MSTN: variants seen among roughly 807,000 people sequenced by gnomAD.
MSTN encodes the protein growth/differentiation factor 8.
A neutral mutation model predicts 32.3 loss-of-function variants in MSTN; 12 were observed. The ratio of observed to expected loss-of-function variants is 0.37; its 90% CI spans 0.24 to 0.60. The LOEUF (loss-of-function observed/expected upper bound fraction) is 0.60, where lower values mean the gene tolerates loss of function less well. Ranked by LOEUF, MSTN falls within the 20% of genes least tolerant of loss-of-function variation. The probability of loss-of-function intolerance (pLI) is 0.67; values close to 1 mark genes in which losing one functional copy is unlikely to be tolerated. For synonymous variants in MSTN, 168 were observed against 155.1 expected (o/e 1.08, Z -0.62); for missense variants, 403 against 450.3 (o/e 0.89, Z 0.95).
In MSTN at chr2:190,057,380, C is replaced by T. The variant is rs1685464775; in HGVS notation, c.1006G>A (p.Ala336Thr). The T allele has an allele frequency of 1.9e-6, 3 of 1,613,470 alleles. No homozygotes were observed. In the South Asian group the frequency reaches 3.3e-5, roughly 18 times the overall value. ...LVHQANPRGS[A>T]GPCCTPTKMS... is the part of the protein sequence containing the mutation. ...TTTGTGGGAGTACAGCAAGGGCCTG[C>T]TGAACCTCTGGGGTTTGCTTGGTGT... The change falls in exon 3 of 3, where the codon GCA becomes ACA. Residue 336 changes from alanine (A) to threonine (T), a missense_variant. Ala to Thr is a moderately conservative substitution (Grantham distance 58). Coordinates refer to ENST00000260950, the MANE Select transcript of MSTN (RefSeq NM_005259.3).
chr2:190,056,292 A>T lies in MSTN; in HGVS notation c.*966T>A, dbSNP rs1246217847. 6.6e-6 allele frequency: 1 copy of T among 152,548 alleles called. No individual in the cohort carries two copies. The highest frequency in any genetic ancestry group is 1.5e-5 in the Non-Finnish European group (1 of 67,996). 9.4% of individuals were successfully genotyped at this position (152,548 alleles called of 1,614,324 possible). Reference sequence around the variant, plus strand: ...AGGAGACACTTATTTACAAAACAATATTGTATACATATTATATAAATGCAT... The same window carrying T: ...AGGAGACACTTATTTACAAAACAATTTTGTATACATATTATATAAATGCAT... On this transcript the variant is annotated 3_prime_UTR_variant, in exon 3 of 3. Coordinates refer to ENST00000260950, the MANE Select transcript of MSTN (RefSeq NM_005259.3).
chr2:190,057,278 C>T lies in MSTN; in HGVS notation c.1108G>A (p.Asp370Asn). ...IYGKIPAMVV[D>N]RCGCS Reference sequence around the variant, plus strand: ...AAATCTCATGAGCACCCACAGCGGTCTACTACCATCGCTGGAATTTTCCCA... The same window carrying T: ...AAATCTCATGAGCACCCACAGCGGTTTACTACCATCGCTGGAATTTTCCCA... Residue 370 changes from aspartate to asparagine, a missense_variant, in exon 3 of 3, where the codon GAC becomes AAC. Coordinates refer to ENST00000260950, the MANE Select transcript of MSTN (RefSeq NM_005259.3). 6.2e-7 allele frequency: 1 copy of T among 1,613,278 alleles called. No homozygotes were observed. Among genetic ancestry groups the T allele is most frequent in the Non-Finnish European group, 8.5e-7 (1 of 1,179,472 alleles).
At chr2:190,057,928 C>G (rs1383182542) in intron 2 of MSTN, among the ~76,000 whole-genome samples, 1 of 151,638 alleles carries the variant, frequency 6.6e-6, no homozygotes, top group Non-Finnish European at 1.5e-5. Context: ...AATGGATGTC[C>G]TGAAAATATT....
At position 190,060,446 on chromosome 2, in the gene MSTN, A is replaced by G; in HGVS notation, c.374-11T>C. 6.2e-7 allele frequency: 1 copy of G among 1,602,096 alleles called. No homozygotes were observed. Reference sequence around the variant, plus strand: ...GCATTAGAAAATCAGCTATAAATGAATAAGAAAAGAAAAGTTGCTGAAATT... The same window carrying G: ...GCATTAGAAAATCAGCTATAAATGAGTAAGAAAAGAAAAGTTGCTGAAATT... On this transcript the variant is annotated splice_polypyrimidine_tract_variant and intron_variant, in intron 1 of 2. Transcript: ENST00000260950.
Position 190,057,122 on chromosome 2 carries a change from A to G in MSTN, c.*136T>C. Reference sequence around the variant, plus strand: ...TTGCATATATTCCCCCTTTTAGTTTACATACTGTAGCTTATGCTTAAGTGA... The same window carrying G: ...TTGCATATATTCCCCCTTTTAGTTTGCATACTGTAGCTTATGCTTAAGTGA... On this transcript the variant is annotated 3_prime_UTR_variant, in exon 3 of 3. Coordinates refer to ENST00000260950, the MANE Select transcript of MSTN (RefSeq NM_005259.3). 1.2e-6 allele frequency: 1 copy of G among 856,360 alleles called. No homozygotes were observed. The highest frequency in any genetic ancestry group is 2.6e-5 in the Admixed American group (1 of 37,796). 53.0% of individuals were successfully genotyped at this position (856,360 alleles called of 1,614,324 possible).
At chr2:190,058,372 C>G (rs1359446849) in intron 2 of MSTN, among the ~76,000 whole-genome samples, 1 of 151,924 alleles carries the variant, frequency 6.6e-6, no homozygotes, top group Non-Finnish European at 1.5e-5. Context: ...TAAAAAGGAA[C>G]ACTTTCTTAA....
rs77151281 is a variant in MSTN, at chr2:190,062,593, G to T, written c.4C>A (p.Gln2Lys). The stretch of plus-strand genomic sequence containing the variant: ...ATATAAACACAGAGTTGCAGTTTTT[G>T]CATGATTTTAAAATCAATATAATCT... Reference protein sequence around the residue: MQKLQLCVYIYL... With the variant: MKKLQLCVYIYL... Residue 2 changes from glutamine to lysine, a missense_variant, in exon 1 of 3, where the codon CAA becomes AAA. By Grantham distance (53) the Gln-to-Lys change is moderately conservative (BLOSUM62 1). Coordinates refer to ENST00000260950, the MANE Select transcript of MSTN (RefSeq NM_005259.3). 6.2e-7 allele frequency: 1 copy of T among 1,611,020 alleles called. No homozygotes were observed. Among genetic ancestry groups the T allele is most frequent in the Non-Finnish European group, 8.5e-7 (1 of 1,178,496 alleles).
At chr2:190,057,679 C>T in intron 2 of MSTN, 41 bp from the exon 3 acceptor site, 1 of 1,604,164 alleles carries the variant, frequency 6.2e-7, no homozygotes, top group Non-Finnish European at 8.5e-7. Context: ...ATCAATAGGC[C>T]TGGAAACACT....
chr2:190,061,244 T>A (rs1685584967), intron 1 of MSTN, among the ~76,000 whole-genome samples: 1 of 152,046 alleles, frequency 6.6e-6, no homozygotes, highest in South Asian at 2.1e-4. Flanking sequence ...TGGAGTCTTG[T>A]TTAAAGTATA....
chr2:190,057,686 CA>C (rs756105934), intron 2 of MSTN, 48 bp from the exon 3 acceptor site: 1 of 1,589,898 alleles, frequency 6.3e-7, no homozygotes, highest in Admixed American at 1.7e-5. Flanking sequence ...GGCCTGGAAA[CA>C]CTTTTCTACC....
Position 190,062,602 on chromosome 2 carries a change from T to G in MSTN, c.-6A>C. ...CAGAGTTGCAGTTTTTGCATGATTTTAAAATCAATATAATCTTTTTTCTTG... is the reference window on the plus strand; with the variant it reads ...CAGAGTTGCAGTTTTTGCATGATTTGAAAATCAATATAATCTTTTTTCTTG... On this transcript the variant is annotated 5_prime_UTR_variant, in exon 1 of 3. Coordinates refer to ENST00000260950, the MANE Select transcript of MSTN (RefSeq NM_005259.3). 6.2e-7 allele frequency: 1 copy of G among 1,610,304 alleles called. No homozygotes were observed. Among genetic ancestry groups the G allele is most frequent in the Non-Finnish European group, 8.5e-7 (1 of 1,178,040 alleles).
At chr2:190,058,012 T>C (rs962121921) in intron 2 of MSTN, among the ~76,000 whole-genome samples, 2 of 151,924 alleles carry the variant, frequency 1.3e-5, no homozygotes, top group Non-Finnish European at 2.9e-5. Flanking sequence ...AGGAAAGAGC[T>C]AACAGCTCCC....
chr2:190,061,680 A>G (rs1200711473), intron 1 of MSTN, among the ~76,000 whole-genome samples: 1 of 152,066 alleles, frequency 6.6e-6, no homozygotes, highest in Non-Finnish European at 1.5e-5. Flanking sequence ...TAATTTTTGC[A>G]TATTCTTCAG....
rs1334290595 is a variant in MSTN at position 190,062,299 on chromosome 2, C to G, written c.298G>C (p.Asp100His). The change falls in exon 1 of 3, where the codon GAC becomes CAC. Residue 100 changes from aspartate to histidine, a missense_variant. Coordinates refer to ENST00000260950, the MANE Select transcript of MSTN (RefSeq NM_005259.3). ...TCTTCCAAAGAGCCATCGCTGCTGT[C>G]ATCCCTCTGGACATCATACTGATCA... ...LIDQYDVQRD[D>H]SSDGSLEDDD... 6.2e-7 allele frequency: 1 copy of G among 1,613,202 alleles called. No individual in the cohort carries two copies. Among genetic ancestry groups the G allele is most frequent in the Non-Finnish European group, 8.5e-7 (1 of 1,179,476 alleles).
Position 190,060,310 on chromosome 2 carries a change from T to C in MSTN, c.499A>G (p.Thr167Ala), listed in dbSNP as rs138300785. 1.2e-6 allele frequency: 2 copies of C among 1,612,974 alleles called. No homozygotes were observed. The highest frequency in any genetic ancestry group is 2.7e-5 in the African/African-American group (2 of 74,868). ...CTCAGGATTTGCACAAACACTGTTG[T>C]AGGAGTCTCGACGGGTCTCAAATAT... ...WIYLRPVETP[T>A]TVFVQILRLI... The change falls in exon 2 of 3, where the codon ACA becomes GCA. Residue 167 changes from threonine (T) to alanine (A), a missense_variant. Coordinates refer to ENST00000260950, the MANE Select transcript of MSTN (RefSeq NM_005259.3).
chr2:190,059,109 A>G (rs1038329753), intron 2 of MSTN, among the ~76,000 whole-genome samples: 3 of 151,914 alleles, frequency 2.0e-5, no homozygotes, highest in Admixed American at 6.6e-5. Flanking sequence ...TGCTAATTAT[A>G]TCATCTTTAT....
At position 190,057,151 on chromosome 2, in the gene MSTN, T is replaced by C. The variant is rs1022060594; in HGVS notation, c.*107A>G. On this transcript the variant is annotated 3_prime_UTR_variant, in exon 3 of 3. Transcript: ENST00000260950. ...ACTGTAGCTTATGCTTAAGTGACTG[T>C]AGCATACTCTAGGCCTATAGCCTGT... 4.6e-5 allele frequency: 54 copies of C among 1,183,880 alleles called. No individual in the cohort carries two copies. Among genetic ancestry groups the C allele is most frequent in the Non-Finnish European group, 6.5e-5 (53 of 813,256 alleles). 73.3% of individuals were successfully genotyped at this position (1,183,880 alleles called of 1,614,324 possible).
rs1374290507 is a variant in MSTN, at chr2:190,056,969, C to T, written c.*289G>A. 5.8e-6 allele frequency: 2 copies of T among 342,370 alleles called. No homozygotes were observed. Among genetic ancestry groups the T allele is most frequent in the Non-Finnish European group, 1.1e-5 (2 of 185,940 alleles). 21.2% of individuals were successfully genotyped at this position (342,370 alleles called of 1,614,324 possible). Reference sequence around the variant, plus strand: ...ATTCATCAGAACTCAAGGAGAATCGCTTTCATTTCCTCGCCGATGTTGTAA... The same window carrying T: ...ATTCATCAGAACTCAAGGAGAATCGTTTTCATTTCCTCGCCGATGTTGTAA... On this transcript the variant is annotated 3_prime_UTR_variant, in exon 3 of 3. Coordinates refer to ENST00000260950, the MANE Select transcript of MSTN (RefSeq NM_005259.3).
chr2:190,059,758 T>C (rs559451938), intron 2 of MSTN, among the ~76,000 whole-genome samples: 2 of 152,054 alleles, frequency 1.3e-5, no homozygotes, highest in Admixed American at 1.3e-4. Flanking sequence ...CATACAGTCA[T>C]GTATCATATT....
Sources: gnomAD v4.1 joint callset for allele counts (sites outside exome capture counted in the v4.1 genomes callset) on GRCh38, gnomAD v4.1.1 for gene constraint, MANE v1.5 for transcripts, NCBI Gene and HGNC (gene_info 2026-07-23, HGNC 2026-07-21) for gene names.